REV1: variants seen among roughly 807,000 people sequenced by gnomAD.
REV1 encodes REV1 DNA directed polymerase.
A neutral mutation model predicts 137.4 loss-of-function variants in REV1; 42 were observed. That is an observed-to-expected ratio of 0.31 (90% CI 0.24 to 0.40). The LOEUF is 0.40. REV1 is among the 10% of genes least tolerant of loss of function. The pLI is 1.00. For missense variants in REV1, 1,282 were observed against 1,490.1 expected, an observed-to-expected ratio of 0.86 and a Z score of 2.30; for synonymous variants, 524 against 519.2, an observed-to-expected ratio of 1.01 and a Z score of -0.12.
chr2:99,446,126 T>C (rs1682175444), intron 4 of REV1, among the ~76,000 whole-genome samples: 1 of 152,174 alleles, frequency 6.6e-6, no homozygotes, highest in African/African-American at 2.4e-5. Context: ...TTAAGATATA[T>C]GCCAACACTG....
At chr2:99,419,012 C>T in intron 11 of REV1, 65 bp from the exon 12 acceptor site, 1 of 1,284,940 alleles carries the variant, frequency 7.8e-7, no homozygotes, top group Non-Finnish European at 1.1e-6. Context: ...CAACAAAGAT[C>T]TCTTCATACA....
Position 99,400,534 on chromosome 2 carries a change from TTATATACGTTTGAAAAATC to T in REV1, c.*688_*706del, listed in dbSNP as rs1214934608. Reference sequence around the variant, plus strand: ...GCATAACATATAACATAAAAATATTTTATATACGTTTGAAAAATCTATACCGTTCTTTTTTATCATCAAA... The same window carrying T: ...GCATAACATATAACATAAAAATATTTTATACCGTTCTTTTTTATCATCAAA... On this transcript the variant is annotated 3_prime_UTR_variant, in exon 23 of 23. Coordinates refer to ENST00000258428, the MANE Select transcript of REV1 (RefSeq NM_016316.4). 6.6e-6 allele frequency: 1 copy of T among 152,210 alleles called. No individual in the cohort carries two copies. Among genetic ancestry groups the T allele is most frequent in the Non-Finnish European group, 1.5e-5 (1 of 68,040 alleles). 9.4% of individuals were successfully genotyped at this position (152,210 alleles called of 1,614,324 possible). A position where few individuals can be genotyped will look rare whatever the true frequency, so the allele number is the denominator to read the frequency against.
intron 5 of REV1, among the ~76,000 whole-genome samples, chr2:99,442,036 A>G (rs1271811495): frequency 6.6e-6 from 1 of 151,562 alleles, no homozygotes; most frequent in East Asian, 1.9e-4. Flanking sequence ...GGTAGATCAC[A>G]AGGCCAGGAG....
chr2:99,405,882 A>T, intron 17 of REV1, 28 bp downstream of exon 17: 1 of 1,410,514 alleles, frequency 7.1e-7, no homozygotes, highest in Non-Finnish European at 9.5e-7. Flanking sequence ...TATAAAATGT[A>T]CTTATATTTA....
chr2:99,451,251 A>G (rs1682890916), intron 3 of REV1: 1 of 699,448 alleles, frequency 1.4e-6, no homozygotes, highest in South Asian at 4.2e-5. Context: ...AATTCTATTT[A>G]ATGACTTAAA....
chr2:99,476,274 C>G (rs947391550), intron 1 of REV1, among the ~76,000 whole-genome samples: 3 of 151,938 alleles, frequency 2.0e-5, no homozygotes, highest in African/African-American at 7.3e-5. Context: ...AGAACGTCCA[C>G]CTTATGGGAG....
At position 99,438,998 on chromosome 2, in the gene REV1, T is replaced by C. The variant is rs1681129713; in HGVS notation, c.816A>G (p.Arg272=). Residue 272 remains arginine, a synonymous_variant, in exon 6 of 23, where the codon AGA becomes AGG. Coordinates refer to ENST00000258428, the MANE Select transcript of REV1 (RefSeq NM_016316.4). ...DKAEKSSTDF[R]DCTLQQLQQS... Reference sequence around the variant, plus strand: ...GCTGCAACTGCTGCAGAGTGCAGTCTCTGAAATCAGTGCTGCTCTTCTCAG... The same window carrying C: ...GCTGCAACTGCTGCAGAGTGCAGTCCCTGAAATCAGTGCTGCTCTTCTCAG... The C allele has an allele frequency of 6.2e-7, 1 of 1,614,076 alleles. No homozygotes were observed. The highest frequency in any genetic ancestry group is 1.3e-5 in the African/African-American group (1 of 74,922).
rs760619123 is a variant in REV1, at chr2:99,449,482, T to C, written c.204A>G (p.Arg68=). 6.0e-6 allele frequency: 9 copies of C among 1,488,788 alleles called. No individual in the cohort carries two copies. Among genetic ancestry groups the C allele is most frequent in the Non-Finnish European group, 8.0e-6 (9 of 1,123,648 alleles). The allele number at this position is 1,488,788 out of a possible 1,614,324, so 92.2% of individuals were successfully genotyped here. The change falls in exon 4 of 23, where the codon AGA becomes AGG. Residue 68 remains arginine (R), a synonymous_variant. Transcript: ENST00000258428. ...GYTDPSAEEL[R]KLMMLHGGQY... Reference sequence around the variant, plus strand: ...GACCTCCATGCAACATCATTAGTTTTCTCAATTCCTCAGCGGAAGGATCTG... The same window carrying C: ...GACCTCCATGCAACATCATTAGTTTCCTCAATTCCTCAGCGGAAGGATCTG...
chr2:99,472,597 T>C (rs1377338384), intron 1 of REV1, among the ~76,000 whole-genome samples: 2 of 152,256 alleles, frequency 1.3e-5, no homozygotes, highest in East Asian at 1.9e-4. Flanking sequence ...TATAGGCACC[T>C]GCAAGCTGCA....
In REV1 at chr2:99,481,850, G is replaced by C. The variant is rs141913276; in HGVS notation, c.-11+7967C>G. ...CACCACTGTGACACAGTGAGACCCC[G>C]TCCCTAAAAAAACAAAAACAAAAAA... is the stretch of plus-strand genomic sequence containing the variant. On this transcript the variant is annotated intron_variant, in intron 1 of 22. Coordinates refer to ENST00000258428, the MANE Select transcript of REV1 (RefSeq NM_016316.4). 9.9e-5 allele frequency among the ~76,000 whole-genome samples: 15 copies of C among 152,200 alleles called. No homozygotes were observed. In the South Asian group the frequency reaches 3.1e-3, roughly 32 times the overall value.
intron 11 of REV1, 105 bp downstream of exon 11, chr2:99,421,394 T>TTACAAG (rs1471127250): frequency 9.0e-7 from 1 of 1,111,302 alleles, no homozygotes; most frequent in Non-Finnish European, 1.3e-6. Flanking sequence ...AAAAACGGTT[T>TTACAAG]TACAAGTGAG....
At chr2:99,476,353 C>T (rs1220400336) in intron 1 of REV1, among the ~76,000 whole-genome samples, 63 of 152,148 alleles carry the variant, frequency 4.1e-4, no homozygotes, top group Non-Finnish European at 1.3e-4. Context: ...GTTAGGAGTT[C>T]GAGACCAGCC....
At position 99,468,180 on chromosome 2, in the gene REV1, CAA is replaced by C. The variant is rs61160561; in HGVS notation, c.-10-3197_-10-3196del. Among the ~76,000 whole-genome samples the C allele has an allele frequency of 7.5e-3, 1,031 of 136,952 alleles. 14 individuals carry two copies. The highest frequency in any genetic ancestry group is 0.059 in the East Asian group (261 of 4,420). 89.8% of individuals were successfully genotyped at this position (136,952 alleles called of 152,430 possible). A position where few individuals can be genotyped will look rare whatever the true frequency, so the allele number is the denominator to read the frequency against. ...GGGCAACAAGAGCGAAACTCCATCT[CAA>C]AAAAAAAAAAAAGAAAGAAAGAAAA... is the stretch of plus-strand genomic sequence containing the variant. On this transcript the variant is annotated intron_variant, in intron 1 of 22. Transcript: ENST00000258428.
chr2:99,468,435 G>A (rs1346851260), intron 1 of REV1, among the ~76,000 whole-genome samples: 1 of 152,164 alleles, frequency 6.6e-6, no homozygotes, highest in Non-Finnish European at 1.5e-5. Flanking sequence ...TTTTTATCCT[G>A]TTCCAAGCAA....
chr2:99,454,893 A>G (rs1683370800), intron 3 of REV1, among the ~76,000 whole-genome samples: 1 of 152,246 alleles, frequency 6.6e-6, no homozygotes, highest in Admixed American at 6.5e-5. Context: ...TACAAGGACC[A>G]CAATTTAGCC....
intron 1 of REV1, among the ~76,000 whole-genome samples, chr2:99,466,100 C>A (rs1247273435): frequency 1.3e-5 from 2 of 151,864 alleles, no homozygotes; most frequent in African/African-American, 4.8e-5. Flanking sequence ...CGCCACCACG[C>A]CCGATTATTA....
At chr2:99,463,413 G>A (rs2105130233) in intron 2 of REV1, among the ~76,000 whole-genome samples, 1 of 152,210 alleles carries the variant, frequency 6.6e-6, no homozygotes, top group Non-Finnish European at 1.5e-5. Flanking sequence ...CAGTTACTCA[G>A]GAGGCTGAGG....
chr2:99,478,110 T>C (rs182326230), intron 1 of REV1, among the ~76,000 whole-genome samples: 2 of 152,098 alleles, frequency 1.3e-5, no homozygotes, highest in Non-Finnish European at 2.9e-5. Flanking sequence ...TGCACACCTG[T>C]AGGTAGTCCC....
intron 1 of REV1, among the ~76,000 whole-genome samples, chr2:99,489,567 G>T (rs1309163124): frequency 6.7e-6 from 1 of 148,646 alleles, no homozygotes; most frequent in Non-Finnish European, 1.5e-5. Context: ...GCGCCATGAC[G>T]GAAGGGAAGG....
Sources: allele counts gnomAD v4.1 joint callset (sites outside exome capture counted in the v4.1 genomes callset), GRCh38; gene constraint gnomAD v4.1.1; transcripts MANE v1.5; gene names NCBI Gene and HGNC (gene_info 2026-07-23, HGNC 2026-07-21).